RFX4: variants seen among roughly 807,000 people sequenced by gnomAD.
RFX4 encodes the protein regulatory factor X4.
In RFX4, 10 loss-of-function variants were observed where a neutral mutation model predicts 95.0. That is an observed-to-expected ratio of 0.11 (90% CI 0.06 to 0.18). The LOEUF (loss-of-function observed/expected upper bound fraction) is 0.18, where lower values mean the gene tolerates loss of function less well. RFX4 is among the 10% of genes least tolerant of loss of function. The probability of loss-of-function intolerance (pLI) is 1.00; values close to 1 mark genes in which losing one functional copy is unlikely to be tolerated. For missense variants in RFX4, 640 were observed against 922.0 expected (o/e 0.69, Z 3.96); for synonymous variants, 321 against 340.7 (o/e 0.94, Z 0.64).
At chr12:106,597,246 T>G (rs2039633906) in intron 1 of RFX4, among the ~76,000 whole-genome samples, 1 of 146,484 alleles carries the variant, frequency 6.8e-6, no homozygotes, top group Admixed American at 6.8e-5. Context: ...CATGGGGTAG[T>G]TTTTTTTTTT....
chr12:106,652,229 A>G (rs1430755815), intron 3 of RFX4, among the ~76,000 whole-genome samples: 1 of 152,192 alleles, frequency 6.6e-6, no homozygotes, highest in African/African-American at 2.4e-5. Flanking sequence ...CTGTTTCCTT[A>G]ATGTCTAGAA....
intron 15 of RFX4, among the ~76,000 whole-genome samples, chr12:106,741,715 T>C (rs989872862): frequency 5.3e-5 from 8 of 152,116 alleles, no homozygotes; most frequent in African/African-American, 1.9e-4. Flanking sequence ...AGAATCCTCC[T>C]AAGGAAAAGG....
chr12:106,688,774 T>G (rs987624706), intron 6 of RFX4, among the ~76,000 whole-genome samples: 4 of 152,302 alleles, frequency 2.6e-5, no homozygotes, highest in African/African-American at 7.2e-5. Context: ...GATTAATTTT[T>G]TTTTTTATTT....
chr12:106,744,726 G>GAAAGTGTGTGGCAC (rs1316158166), intron 15 of RFX4, among the ~76,000 whole-genome samples: 1 of 152,188 alleles, frequency 6.6e-6, no homozygotes, highest in Non-Finnish European at 1.5e-5. Context: ...GTAGAGAGTA[G>GAAAGTGTGTGGCAC]AAAGTGTGTG....
Position 106,730,294 on chromosome 12 carries a change from C to T in RFX4, c.1352-1836C>T, listed in dbSNP as rs1251264591. Among the ~76,000 whole-genome samples the T allele has an allele frequency of 3.3e-5, 5 of 152,202 alleles. No homozygotes were observed. The East Asian group carries it at 9.6e-4, about 29-fold the overall frequency. On this transcript the variant is annotated intron_variant, in intron 13 of 17. Coordinates refer to ENST00000392842, the MANE Select transcript of RFX4 (RefSeq NM_213594.3). ...GAGTGCTCCACAAGCCCCCAACTAG[C>T]CTCCACTACCTTATGTCTGAGACTT...
intron 13 of RFX4, 148 bp downstream of exon 13, chr12:106,721,024 C>A (rs1348074081): frequency 1.4e-6 from 1 of 694,324 alleles, no homozygotes; most frequent in Non-Finnish European, 2.5e-6. Context: ...ATTGTTAGGA[C>A]TTTCAGGGAG....
At position 106,743,801 on chromosome 12, in the gene RFX4, C is replaced by A. The variant is rs568771620; in HGVS notation, c.1634-3636C>A. 6.1e-3 allele frequency among the ~76,000 whole-genome samples: 923 copies of A among 152,238 alleles called. 2 individuals carry two copies. Among genetic ancestry groups the A allele is most frequent in the South Asian group, 0.024 (117 of 4,814 alleles). On this transcript the variant is annotated intron_variant, in intron 15 of 17. Transcript: ENST00000392842. ...CATGCTTTGGTTTCCTTGGCTGCCC[C>A]GTTTCAATATCCATTGACCTCGCTG...
At chr12:106,735,058 AAAG>A (rs1463055511) in intron 15 of RFX4, among the ~76,000 whole-genome samples, 10 of 151,586 alleles carry the variant, frequency 6.6e-5, no homozygotes, top group South Asian at 6.2e-4. Context: ...AAAAAAAAAA[AAAG>A]AAGAAGAAGA....
intron 8 of RFX4, among the ~76,000 whole-genome samples, chr12:106,708,201 C>T (rs1428491944): frequency 6.6e-6 from 1 of 152,004 alleles, no homozygotes; most frequent in Non-Finnish European, 1.5e-5. Context: ...AAGGGACCGT[C>T]GGTAATGTAG....
intron 2 of RFX4, among the ~76,000 whole-genome samples, chr12:106,624,574 G>T (rs899538277): frequency 4.6e-5 from 7 of 152,094 alleles, no homozygotes; most frequent in Non-Finnish European, 8.8e-5. Flanking sequence ...TAATCCGCCT[G>T]CCTCAGCCTC....
At chr12:106,653,726 C>T (rs1156597810) in intron 3 of RFX4, among the ~76,000 whole-genome samples, 3 of 152,214 alleles carry the variant, frequency 2.0e-5, no homozygotes, top group African/African-American at 7.2e-5. Context: ...GTCTGTACAG[C>T]TATACAGGCC....
At chr12:106,680,122 T>C (rs2041477269) in intron 4 of RFX4, among the ~76,000 whole-genome samples, 1 of 152,222 alleles carries the variant, frequency 6.6e-6, no homozygotes, top group South Asian at 2.1e-4. Flanking sequence ...TTTAAAAGCC[T>C]TTTTTACTTC....
chr12:106,750,037 A>G (rs2042969627), intron 16 of RFX4, among the ~76,000 whole-genome samples: 1 of 152,130 alleles, frequency 6.6e-6, no homozygotes, highest in Admixed American at 6.5e-5. Flanking sequence ...TCCATCACTA[A>G]TGATGTTTGG....
intron 17 of RFX4, among the ~76,000 whole-genome samples, chr12:106,753,013 A>G (rs1219103544): frequency 6.6e-6 from 1 of 151,992 alleles, no homozygotes; most frequent in Admixed American, 6.5e-5. Flanking sequence ...GGTGGTCTCT[A>G]TGCCTCTAAA....
chr12:106,668,834 A>G (rs929481262), intron 4 of RFX4, among the ~76,000 whole-genome samples: 4 of 152,170 alleles, frequency 2.6e-5, no homozygotes, highest in Non-Finnish European at 5.9e-5. Context: ...ATCACTTAAG[A>G]CTGTGGAGGG....
chr12:106,651,900 T>C (rs2040863350), intron 3 of RFX4, among the ~76,000 whole-genome samples: 1 of 152,216 alleles, frequency 6.6e-6, no homozygotes, highest in Non-Finnish European at 1.5e-5. Context: ...AAACAAAGCA[T>C]GTCTGTGAGA....
At chr12:106,690,653 T>C (rs2041761812) in intron 7 of RFX4, among the ~76,000 whole-genome samples, 1 of 152,162 alleles carries the variant, frequency 6.6e-6, no homozygotes, top group Non-Finnish European at 1.5e-5. Context: ...GTTCAGCTGA[T>C]GGGTGGGGAA....
intron 13 of RFX4, among the ~76,000 whole-genome samples, chr12:106,722,166 C>G (rs1039631545): frequency 6.6e-6 from 1 of 152,252 alleles, no homozygotes; most frequent in South Asian, 2.1e-4. Context: ...CATGTTACCT[C>G]TAGCTCTGGA....
chr12:106,583,389 G>A (rs1810692599), intron 1 of RFX4, 26 bp downstream of exon 1: 11 of 1,547,104 alleles, frequency 7.1e-6, no homozygotes, highest in East Asian at 2.5e-5. Context: ...GGGGTTGGGG[G>A]GATACATTGG....
Sources: allele counts gnomAD v4.1 joint callset (sites outside exome capture counted in the v4.1 genomes callset), GRCh38; gene constraint gnomAD v4.1.1; transcripts MANE v1.5; gene names NCBI Gene and HGNC (gene_info 2026-07-23, HGNC 2026-07-21).